Variants in IL1RAPL2 observed in about 807,000 individuals in gnomAD.
IL1RAPL2 encodes interleukin 1 receptor accessory protein like 2.
IL1RAPL2 carries 3 observed loss-of-function variants against 44.1 expected under a neutral mutation model. That is an observed-to-expected ratio of 0.07 (90% confidence interval 0.03 to 0.18). IL1RAPL2 has a LOEUF of 0.18. IL1RAPL2 is among the 10% of genes least tolerant of loss of function. The probability of loss-of-function intolerance (pLI) is 1.00; values close to 1 mark genes in which losing one functional copy is unlikely to be tolerated. For missense variants in IL1RAPL2, 391 were observed against 496.4 expected, an observed-to-expected ratio of 0.79 and a Z score of 2.02; for synonymous variants, 181 against 178.8, an observed-to-expected ratio of 1.01 and a Z score of -0.10.
Position 104,748,519 on chromosome X carries a change from T to C in IL1RAPL2, c.82+89524T>C, listed in dbSNP as rs936753218. 5.4e-5 allele frequency among the ~76,000 whole-genome samples: 6 copies of C among 111,312 alleles called. No individual in the cohort carries two copies. In the Admixed American group the frequency reaches 5.8e-4, roughly 11 times the overall value. ...CAGTGAAAGTGACACTGCCAGTTTC[T>C]GAACCTAGGTTTCAAGAATATGGAA... On this transcript the variant is annotated intron_variant, in intron 2 of 10. Transcript: ENST00000372582.
At chrX:105,210,010 T>C (rs1338769381) in intron 3 of IL1RAPL2, among the ~76,000 whole-genome samples, 1 of 109,912 alleles carries the variant, frequency 9.1e-6, no homozygotes, top group Non-Finnish European at 1.9e-5. Context: ...TTGATGATCC[T>C]TTCCTCCCCC....
chrX:105,116,867 T>C (rs1246907448), intron 2 of IL1RAPL2, among the ~76,000 whole-genome samples: 1 of 112,213 alleles, frequency 8.9e-6, no homozygotes, highest in African/African-American at 3.2e-5. Context: ...GCCAATTTAA[T>C]GTTGCTGACA....
chrX:105,210,176 T>C (rs969748339), intron 3 of IL1RAPL2, among the ~76,000 whole-genome samples: 3 of 112,008 alleles, frequency 2.7e-5, no homozygotes, highest in Non-Finnish European at 5.6e-5. Flanking sequence ...TACCACACAG[T>C]GTCTGCTCTC....
intron 6 of IL1RAPL2, among the ~76,000 whole-genome samples, chrX:105,524,570 T>C (rs2036582844): frequency 1.8e-5 from 2 of 110,217 alleles, no homozygotes; most frequent in South Asian, 7.7e-4. Context: ...TTACAAAACA[T>C]CATGACTAGC....
chrX:104,596,822 C>T lies in IL1RAPL2; in HGVS notation c.-20+29771C>T, dbSNP rs189525615. 4.7e-4 allele frequency among the ~76,000 whole-genome samples: 52 copies of T among 111,237 alleles called. No individual in the cohort carries two copies. The East Asian group carries it at 6.5e-3, about 14-fold the overall frequency. On this transcript the variant is annotated intron_variant, in intron 1 of 10. Coordinates refer to ENST00000372582, the MANE Select transcript of IL1RAPL2 (RefSeq NM_017416.2). Reference sequence around the variant, plus strand: ...CATTCAAGGATGAGGAAGTAACATGCGCAGTAATGACAGAGTCAGGAACAG... The same window carrying T: ...CATTCAAGGATGAGGAAGTAACATGTGCAGTAATGACAGAGTCAGGAACAG...
chrX:104,831,694 A>G (rs1921612222), intron 2 of IL1RAPL2, among the ~76,000 whole-genome samples: 1 of 111,823 alleles, frequency 8.9e-6, no homozygotes, highest in African/African-American at 3.2e-5. Context: ...GATCTCTTTC[A>G]CACACCCTGA....
intron 1 of IL1RAPL2, among the ~76,000 whole-genome samples, chrX:104,598,594 G>A (rs1194834793): frequency 8.9e-6 from 1 of 112,239 alleles, no homozygotes; most frequent in Non-Finnish European, 1.9e-5. Flanking sequence ...TGATGCCTCT[G>A]TGTTAGGTTC....
intron 5 of IL1RAPL2, among the ~76,000 whole-genome samples, chrX:105,321,425 A>C (rs1231859843): frequency 8.9e-6 from 1 of 112,094 alleles, no homozygotes; most frequent in Non-Finnish European, 1.9e-5. Flanking sequence ...GACTGGCTAC[A>C]TAATTTGCAT....
At chrX:105,214,038 A>G (rs1188704120) in intron 3 of IL1RAPL2, among the ~76,000 whole-genome samples, 1 of 106,211 alleles carries the variant, frequency 9.4e-6, no homozygotes, top group East Asian at 2.9e-4. Context: ...AAATATAAAG[A>G]CCTCTATGAA....
intron 2 of IL1RAPL2, among the ~76,000 whole-genome samples, chrX:104,855,491 G>C (rs970919386): frequency 1.8e-5 from 2 of 110,591 alleles, no homozygotes; most frequent in Middle Eastern, 4.7e-3. Context: ...CAAAGGTGAA[G>C]CCAAGGCTAA....
chrX:105,711,719 G>A (rs1430955268), intron 6 of IL1RAPL2, among the ~76,000 whole-genome samples: 3 of 111,007 alleles, frequency 2.7e-5, no homozygotes, highest in Non-Finnish European at 3.8e-5. Flanking sequence ...TGCATCCTGG[G>A]GCAAATTCCT....
intron 2 of IL1RAPL2, among the ~76,000 whole-genome samples, chrX:104,981,387 A>T (rs1252519143): frequency 9.1e-6 from 1 of 109,988 alleles, no homozygotes; most frequent in Non-Finnish European, 1.9e-5. Context: ...CTCAGTTTAG[A>T]CATTGTTGGT....
At chrX:104,754,273 C>T (rs1019953645) in intron 2 of IL1RAPL2, among the ~76,000 whole-genome samples, 1 of 111,507 alleles carries the variant, frequency 9.0e-6, no homozygotes, top group Admixed American at 9.6e-5. Flanking sequence ...CACATTTTTC[C>T]CCCAAATTTC....
At chrX:104,577,847 G>A (rs772980395) in intron 1 of IL1RAPL2, among the ~76,000 whole-genome samples, 1 of 110,980 alleles carries the variant, frequency 9.0e-6, no homozygotes, top group African/African-American at 3.3e-5. Context: ...CTGGGAGAAT[G>A]AGCAAATAAA....
At chrX:105,238,387 T>TGACTTG (rs1192321470) in intron 4 of IL1RAPL2, among the ~76,000 whole-genome samples, 2 of 112,133 alleles carry the variant, frequency 1.8e-5, no homozygotes, top group African/African-American at 6.5e-5. Context: ...ACCAAAACTT[T>TGACTTG]AGTCATTGAT....
intron 2 of IL1RAPL2, among the ~76,000 whole-genome samples, chrX:105,088,754 G>A (rs1020082417): frequency 9.0e-6 from 1 of 111,365 alleles, no homozygotes; most frequent in Non-Finnish European, 1.9e-5. Flanking sequence ...CTTAATGAAT[G>A]TAACATCAAT....
chrX:104,991,971 C>G (rs1375432084), intron 2 of IL1RAPL2, among the ~76,000 whole-genome samples: 1 of 111,058 alleles, frequency 9.0e-6, no homozygotes, highest in Non-Finnish European at 1.9e-5. Flanking sequence ...GAGATTTGGA[C>G]AGGTGGATGA....
At chrX:105,127,059 T>C (rs2032982330) in intron 2 of IL1RAPL2, among the ~76,000 whole-genome samples, 1 of 111,441 alleles carries the variant, frequency 9.0e-6, no homozygotes, top group Admixed American at 9.5e-5. Flanking sequence ...CTTCCTTTTT[T>C]CTCTCTGAAA....
intron 5 of IL1RAPL2, among the ~76,000 whole-genome samples, chrX:105,278,279 C>T (rs993039786): frequency 2.7e-5 from 3 of 111,236 alleles, no homozygotes; most frequent in African/African-American, 9.8e-5. Flanking sequence ...CAATGGCTCT[C>T]GTCCATCACC....
Sources: allele counts gnomAD v4.1 joint callset (sites outside exome capture counted in the v4.1 genomes callset), GRCh38; gene constraint gnomAD v4.1.1; transcripts MANE v1.5; gene names NCBI Gene and HGNC (gene_info 2026-07-23, HGNC 2026-07-21).